NMT1: variants seen among roughly 807,000 people sequenced by gnomAD.
NMT1 encodes the protein glycylpeptide N-tetradecanoyltransferase 1.
NMT1 carries 12 observed loss-of-function variants against 63.4 expected under a neutral mutation model. That is an observed-to-expected ratio of 0.19 (90% CI 0.12 to 0.31). The LOEUF is 0.31. Ranked by LOEUF, NMT1 falls within the 10% of genes least tolerant of loss-of-function variation. NMT1 has a pLI of 1.00. For synonymous variants in NMT1, 228 were observed against 234.3 expected, an observed-to-expected ratio of 0.97 and a Z score of 0.25; for missense variants, 432 against 634.6, an observed-to-expected ratio of 0.68 and a Z score of 3.43.
At position 45,105,581 on chromosome 17, in the gene NMT1, G is replaced by C. The variant is rs2054197633; in HGVS notation, c.1471-38G>C. Reference sequence around the variant, plus strand: ...GGTGTGGGAGAGTCTTTGGGCCACTGTCAACTCAGCTCTGCCTCTCCCTGT... The same window carrying C: ...GGTGTGGGAGAGTCTTTGGGCCACTCTCAACTCAGCTCTGCCTCTCCCTGT... On this transcript the variant is annotated intron_variant, in intron 11 of 11. Transcript: ENST00000258960. The surrounding 1 kb of genome is among the most constrained non-coding windows in gnomAD (Gnocchi z 4.2). 6.2e-7 allele frequency: 1 copy of C among 1,612,436 alleles called. No homozygotes were observed.
chr17:45,069,273 A>ATTTATTTATTTAT (rs370339622), intron 1 of NMT1, among the ~76,000 whole-genome samples: 95 of 137,674 alleles, frequency 6.9e-4, no homozygotes, highest in South Asian at 1.2e-3. Flanking sequence ...TTTATTTTTT[A>ATTTATTTATTTAT]TTATTTATTT....
At chr17:45,100,878 AAAAAAAAAAAAAAAAAAAG>A (rs1428047395) in intron 8 of NMT1, among the ~76,000 whole-genome samples, 1 of 134,300 alleles carries the variant, frequency 7.4e-6, no homozygotes, top group African/African-American at 2.7e-5. Flanking sequence ...AAAAAAAAAA[AAAAAAAAAAAAAAAAAAAG>A]AAGGCCAGGC....
At chr17:45,092,891 T>G (rs1276216299) in intron 3 of NMT1, among the ~76,000 whole-genome samples, 2 of 152,162 alleles carry the variant, frequency 1.3e-5, no homozygotes. Context: ...TTCTTCCCAG[T>G]GTAAACATGA....
intron 6 of NMT1, among the ~76,000 whole-genome samples, 191 bp from the exon 7 acceptor site, chr17:45,098,191 T>C (rs1477244666): frequency 6.6e-6 from 1 of 152,050 alleles, no homozygotes; most frequent in Admixed American, 6.6e-5. Context: ...GGAAATAGAT[T>C]CTGTTGAAGT....
rs762294220 is a variant in NMT1, at chr17:45,061,428, C to G, written c.99C>G (p.Cys33Trp). 1.2e-6 allele frequency: 2 copies of G among 1,613,694 alleles called. No homozygotes were observed. The highest frequency in any genetic ancestry group is 1.7e-6 in the Non-Finnish European group (2 of 1,179,880). The change falls in exon 1 of 12, where the codon TGC becomes TGG. Residue 33 changes from cysteine to tryptophan, a missense_variant. Transcript: ENST00000258960. Reference sequence around the variant, plus strand: ...ACGGCCATGAGCACTGCAGCGATTGCGAGAATGAGGAGGACAACAGCTACA... The same window carrying G: ...ACGGCCATGAGCACTGCAGCGATTGGGAGAATGAGGAGGACAACAGCTACA... ...NGNGHEHCSD[C>W]ENEEDNSYNR...
intron 2 of NMT1, among the ~76,000 whole-genome samples, chr17:45,082,683 A>C (rs1445538456): frequency 6.6e-6 from 1 of 152,218 alleles, no homozygotes. Flanking sequence ...TGACAGAGGC[A>C]GGGGGACAAC....
At chr17:45,061,745 G>A (rs1685942983) in intron 1 of NMT1, 1 of 326,994 alleles carries the variant, frequency 3.1e-6, no homozygotes, top group African/African-American at 2.1e-5. Context: ...CATGTTGGAC[G>A]ATGGTTTTCG....
Position 45,081,666 on chromosome 17 carries a change from A to T in NMT1, c.154A>T (p.Thr52Ser). The T allele has an allele frequency of 6.2e-7, 1 of 1,613,938 alleles. No individual in the cohort carries two copies. Among genetic ancestry groups the T allele is most frequent in the Non-Finnish European group, 8.5e-7 (1 of 1,179,940 alleles). Residue 52 changes from threonine (T) to serine (S), a missense_variant, in exon 2 of 12, where the codon ACT becomes TCT. This residue lies in a region of NMT1 where 121 missense variants were observed against 103.7 expected (regional missense o/e 1.17). Transcript: ENST00000258960. Reference sequence around the variant, plus strand: ...CAGTGGTTTGAGTCCAGCCAATGACACTGGAGCCAAAAAGAAGAAAAAGAA... The same window carrying T: ...CAGTGGTTTGAGTCCAGCCAATGACTCTGGAGCCAAAAAGAAGAAAAAGAA... The part of the protein sequence containing the change: ...NRGGLSPAND[T>S]GAKKKKKKQK...
intron 1 of NMT1, among the ~76,000 whole-genome samples, chr17:45,065,378 C>CT (rs1567860043): frequency 1.3e-5 from 2 of 152,086 alleles, no homozygotes; most frequent in Admixed American, 6.6e-5. Context: ...AATCCCAGCA[C>CT]TTTGGGAGGC....
In NMT1 at chr17:45,104,645, G is replaced by T; in HGVS notation, c.1333-214G>T. On this transcript the variant is annotated intron_variant, in intron 10 of 11. Coordinates refer to ENST00000258960, the MANE Select transcript of NMT1 (RefSeq NM_021079.5). This position sits in a 1 kb window ranked among gnomAD's most constrained non-coding sequence, Gnocchi z 4.2. ...CTGAGTACATATGTGTACACTCTGA[G>T]GGACACTGGGCAGAGGCCAGGCTGG... is the stretch of plus-strand genomic sequence containing the variant. 1 of 1,409,286 alleles carries T rather than the reference G, an allele frequency of 7.1e-7. No individual in the cohort carries two copies. The highest frequency in any genetic ancestry group is 2.9e-5 in the Admixed American group (1 of 34,198). The allele number at this position is 1,409,286 out of a possible 1,614,324, so 87.3% of individuals were successfully genotyped here. A position where few individuals can be genotyped will look rare whatever the true frequency, so the allele number is the denominator to read the frequency against.
rs151324918 is a variant in NMT1 at position 45,101,461 on chromosome 17, A to G, written c.994-1490A>G. Among the ~76,000 whole-genome samples the G allele has an allele frequency of 1.2e-3, 183 of 151,164 alleles. 8 individuals are homozygous for G. The East Asian group carries it at 0.033, about 27-fold the overall frequency. ...ACATGGTGAAACCCTGTCTCTACTA[A>G]AAACACAAAAATTAGCTGGGTGTGG... On this transcript the variant is annotated intron_variant, in intron 8 of 11. Coordinates refer to ENST00000258960, the MANE Select transcript of NMT1 (RefSeq NM_021079.5).
At position 45,061,374 on chromosome 17, in the gene NMT1, G is replaced by A. The variant is rs2053854582; in HGVS notation, c.45G>A (p.Pro15=). 1.2e-6 allele frequency: 2 copies of A among 1,613,988 alleles called. No individual in the cohort carries two copies. Among genetic ancestry groups the A allele is most frequent in the African/African-American group, 2.7e-5 (2 of 75,030 alleles). The change falls in exon 1 of 12, where the codon CCG becomes CCA. Residue 15 remains proline, a synonymous_variant. Transcript: ENST00000258960. ...SETAVKPPAP[P]LPQMMEGNGN... is the part of the protein sequence containing the mutation. ...CAGCAGTGAAGCCGCCGGCACCTCC[G>A]CTGCCGCAGATGATGGAAGGGAACG...
chr17:45,068,332 C>T (rs535596938), intron 1 of NMT1, among the ~76,000 whole-genome samples: 2 of 152,216 alleles, frequency 1.3e-5, no homozygotes, highest in South Asian at 4.1e-4. Flanking sequence ...ATTAGCTGGG[C>T]GTGGTGGCAC....
intron 1 of NMT1, among the ~76,000 whole-genome samples, chr17:45,080,465 CTTTTT>C (rs35346554): frequency 1.4e-5 from 1 of 70,192 alleles, no homozygotes; most frequent in Non-Finnish European, 2.8e-5. Context: ...CAGCCTTTTC[CTTTTT>C]TTTTTTTTTT....
Position 45,104,064 on chromosome 17 carries a change from C to T in NMT1, c.1332+188C>T. ...AAAACTTGGAGGGAACAAGGAGCAT[C>T]CGAAGTGAAGGCATTGAACTCCTCC... On this transcript the variant is annotated intron_variant, in intron 10 of 11. Transcript: ENST00000258960. This position sits in a 1 kb window ranked among gnomAD's most constrained non-coding sequence, Gnocchi z 4.2. 6.6e-7 allele frequency: 1 copy of T among 1,525,958 alleles called. No homozygotes were observed. The highest frequency in any genetic ancestry group is 8.8e-7 in the Non-Finnish European group (1 of 1,141,680). 94.5% of individuals were successfully genotyped at this position (1,525,958 alleles called of 1,614,324 possible).
intron 1 of NMT1, among the ~76,000 whole-genome samples, chr17:45,065,623 C>CAAAAAAAA (rs397944011): frequency 3.7e-5 from 3 of 81,734 alleles, no homozygotes; most frequent in African/African-American, 4.8e-5. Context: ...GACTCTGTCT[C>CAAAAAAAA]AAAAAAAAAA....
intron 4 of NMT1, among the ~76,000 whole-genome samples, chr17:45,095,440 C>G (rs988869774): frequency 6.6e-6 from 1 of 152,080 alleles, no homozygotes; most frequent in Non-Finnish European, 1.5e-5. Flanking sequence ...GTTGGGCCAG[C>G]AGATGGAGAT....
At position 45,081,733 on chromosome 17, in the gene NMT1, C is replaced by A; in HGVS notation, c.221C>A (p.Ala74Asp). The A allele has an allele frequency of 6.3e-7, 1 of 1,579,042 alleles. No individual in the cohort carries two copies. Among genetic ancestry groups the A allele is most frequent in the Non-Finnish European group, 8.6e-7 (1 of 1,160,914 alleles). ...KKEKGSETDS[A>D]QDQPVKMNSL... Reference sequence around the variant, plus strand: ...GAAAAAGGCAGTGAGACAGATTCAGCCCAGGATCAGCCTGTGAAGGTAACA... The same window carrying A: ...GAAAAAGGCAGTGAGACAGATTCAGACCAGGATCAGCCTGTGAAGGTAACA... Residue 74 changes from alanine to aspartate, a missense_variant, in exon 2 of 12, where the codon GCC becomes GAC. Ala to Asp is a moderately radical substitution (Grantham distance 126, BLOSUM62 -2). This residue lies in a region of NMT1 where 121 missense variants were observed against 103.7 expected (regional missense o/e 1.17). Transcript: ENST00000258960.
At chr17:45,072,039 T>TC (rs1437295699) in intron 1 of NMT1, among the ~76,000 whole-genome samples, 2 of 152,050 alleles carry the variant, frequency 1.3e-5, no homozygotes, top group Non-Finnish European at 2.9e-5. Flanking sequence ...ATAGCTTGAG[T>TC]CCAGGAATTC....
Sources: gnomAD v4.1 joint callset for allele counts (sites outside exome capture counted in the v4.1 genomes callset) on GRCh38, gnomAD v4.1.1 for gene constraint, gnomAD v4.1.1 regional missense constraint, Gnocchi (gnomAD v3.1) non-coding constraint, MANE v1.5 for transcripts, NCBI Gene and HGNC (gene_info 2026-07-23, HGNC 2026-07-21) for gene names.